The following SLC22A3 variants were observed in gnomAD, a reference collection of about 807,000 sequenced individuals.
SLC22A3 encodes the protein solute carrier family 22 member 3.
In SLC22A3, 51 loss-of-function variants were observed where a neutral mutation model predicts 59.1. The ratio of observed to expected loss-of-function variants is 0.86; its 90% CI spans 0.69 to 1.09. The LOEUF is 1.09. Among genes scored for constraint, SLC22A3 ranks in the 50% least tolerant of loss-of-function variants. The pLI is 0.00. For synonymous variants in SLC22A3, 325 were observed against 292.0 expected, an observed-to-expected ratio of 1.11 and a Z score of -1.15; for missense variants, 711 against 726.3, an observed-to-expected ratio of 0.98 and a Z score of 0.24.
chr6:160,363,807 G>A (rs1785107687), intron 1 of SLC22A3, among the ~76,000 whole-genome samples: 1 of 151,942 alleles, frequency 6.6e-6, no homozygotes, highest in South Asian at 2.1e-4. Flanking sequence ...CTTCAAGACC[G>A]CCTTTGTCTG....
intron 7 of SLC22A3, among the ~76,000 whole-genome samples, chr6:160,437,533 T>G (rs1739956031): frequency 6.6e-6 from 1 of 152,226 alleles, no homozygotes; most frequent in Non-Finnish European, 1.5e-5. Flanking sequence ...ACTTATTTCC[T>G]GAACCTCTGC....
intron 1 of SLC22A3, among the ~76,000 whole-genome samples, chr6:160,376,765 C>T (rs1562475026): frequency 6.6e-6 from 1 of 152,124 alleles, no homozygotes; most frequent in Admixed American, 6.5e-5. Context: ...AGCTGGGTCA[C>T]CATGAAGTCC....
At position 160,368,277 on chromosome 6, in the gene SLC22A3, T is replaced by C. The variant is rs540508601; in HGVS notation, c.429+19429T>C. Among the ~76,000 whole-genome samples the C allele has an allele frequency of 1.3e-4, 20 of 152,294 alleles. No individual in the cohort carries two copies. The Middle Eastern group carries it at 0.01, about 78-fold the overall frequency. On this transcript the variant is annotated intron_variant, in intron 1 of 10. Coordinates refer to ENST00000275300, the MANE Select transcript of SLC22A3 (RefSeq NM_021977.4). The stretch of plus-strand genomic sequence containing the variant: ...ATCAACTTCTCTATCTCTGCTCCCA[T>C]AGCTTCCTTCTAACCCCACAGCAGA...
In SLC22A3 at chr6:160,393,491, C is replaced by G. The variant is rs528953345; in HGVS notation, c.430-4488C>G. On this transcript the variant is annotated intron_variant, in intron 1 of 10. Transcript: ENST00000275300. ...TGTGTGATGTTCCCCTTCCTGTGTC[C>G]ATGTGTTCTCATTGTTCAATTCCCA... 2.7e-5 allele frequency among the ~76,000 whole-genome samples: 4 copies of G among 148,424 alleles called. No homozygotes were observed. In the East Asian group the frequency reaches 8.1e-4, roughly 30 times the overall value.
At chr6:160,417,971 C>G (rs924175351) in intron 5 of SLC22A3, among the ~76,000 whole-genome samples, 14 of 152,234 alleles carry the variant, frequency 9.2e-5, no homozygotes, top group African/African-American at 3.4e-4. Flanking sequence ...GCTTACTATT[C>G]TATGCTGCTA....
chr6:160,364,294 C>T (rs748700659), intron 1 of SLC22A3, among the ~76,000 whole-genome samples: 3 of 152,082 alleles, frequency 2.0e-5, no homozygotes, highest in Admixed American at 6.5e-5. Context: ...GCATAGGGGC[C>T]CTAAAGGTGA....
intron 1 of SLC22A3, 28 bp from the exon 2 acceptor site, chr6:160,397,951 T>C (rs771595427): frequency 6.5e-7 from 1 of 1,528,470 alleles, no homozygotes; most frequent in Non-Finnish European, 9.1e-7. Flanking sequence ...CTGGCATGTC[T>C]CCATGTGTGT....
At chr6:160,356,512 A>G (rs560423491) in intron 1 of SLC22A3, among the ~76,000 whole-genome samples, 2 of 152,252 alleles carry the variant, frequency 1.3e-5, no homozygotes, top group African/African-American at 4.8e-5. Context: ...TCATCAATCG[A>G]GCCTGCTCCA....
intron 5 of SLC22A3, among the ~76,000 whole-genome samples, chr6:160,418,437 A>G (rs926467306): frequency 7.2e-5 from 11 of 151,910 alleles, no homozygotes; most frequent in African/African-American, 2.7e-4. Flanking sequence ...CTGGCTTCCT[A>G]CCTCCTCAGC....
chr6:160,436,491 TC>T, intron 5 of SLC22A3, among the ~76,000 whole-genome samples: 1 of 152,184 alleles, frequency 6.6e-6, no homozygotes, highest in South Asian at 2.1e-4. Flanking sequence ...GACTCTCATT[TC>T]CCCCAATGTA....
At chr6:160,380,911 G>C (rs1467546265) in intron 1 of SLC22A3, among the ~76,000 whole-genome samples, 4 of 152,166 alleles carry the variant, frequency 2.6e-5, no homozygotes, top group Admixed American at 6.5e-5. Context: ...TCAGCTTCTA[G>C]AGCGAACTGA....
At chr6:160,429,782 T>A (rs1316072571) in intron 5 of SLC22A3, among the ~76,000 whole-genome samples, 3 of 152,004 alleles carry the variant, frequency 2.0e-5, no homozygotes, top group Admixed American at 6.6e-5. Context: ...AGATCCACAG[T>A]TCCAAATCAA....
At chr6:160,428,004 G>A (rs549093683) in intron 5 of SLC22A3, among the ~76,000 whole-genome samples, 4 of 152,316 alleles carry the variant, frequency 2.6e-5, no homozygotes, top group African/African-American at 7.2e-5. Flanking sequence ...AGCCTTTAGA[G>A]TTAGAGTTTT....
intron 1 of SLC22A3, among the ~76,000 whole-genome samples, chr6:160,397,570 C>T (rs1428583704): frequency 6.6e-6 from 1 of 151,964 alleles, no homozygotes; most frequent in African/African-American, 2.4e-5. Flanking sequence ...CCCATCTCTA[C>T]TAAAAATACA....
At chr6:160,429,834 AAG>A (rs1788087292) in intron 5 of SLC22A3, among the ~76,000 whole-genome samples, 1 of 152,030 alleles carries the variant, frequency 6.6e-6, no homozygotes, top group Non-Finnish European at 1.5e-5. Flanking sequence ...TCAACATAAA[AAG>A]AAATCCATTT....
chr6:160,360,568 C>A (rs1182397804), intron 1 of SLC22A3, among the ~76,000 whole-genome samples: 1 of 152,178 alleles, frequency 6.6e-6, no homozygotes, highest in African/African-American at 2.4e-5. Context: ...AGAACATAAA[C>A]AAACAACAAC....
chr6:160,436,730 G>C, intron 5 of SLC22A3, 50 bp from the exon 6 acceptor site: 5 of 1,017,400 alleles, frequency 4.9e-6, no homozygotes, highest in Non-Finnish European at 7.3e-6. Context: ...TACTATGCAG[G>C]TTTTTTTTTT....
chr6:160,383,135 T>A (rs545331489), intron 1 of SLC22A3, among the ~76,000 whole-genome samples: 1 of 152,310 alleles, frequency 6.6e-6, no homozygotes, highest in South Asian at 2.1e-4. Context: ...CCAGGAACAC[T>A]CATTTACCAC....
intron 1 of SLC22A3, among the ~76,000 whole-genome samples, chr6:160,380,080 TA>T (rs1369327780): frequency 6.6e-6 from 1 of 152,188 alleles, no homozygotes; most frequent in Non-Finnish European, 1.5e-5. Context: ...ATTTATAGAA[TA>T]TACTCAAGTG....
Sources: gnomAD v4.1 joint callset for allele counts (sites outside exome capture counted in the v4.1 genomes callset) on GRCh38, gnomAD v4.1.1 for gene constraint, MANE v1.5 for transcripts, NCBI Gene and HGNC (gene_info 2026-07-23, HGNC 2026-07-21) for gene names.